Variants in KIAA1958 observed in about 807,000 individuals in gnomAD.
The protein encoded by KIAA1958 is KIAA1958.
KIAA1958 carries 14 observed loss-of-function variants against 47.2 expected under a neutral mutation model. The observed-to-expected ratio is 0.30, with a 90% confidence interval of 0.20 to 0.46. The LOEUF (loss-of-function observed/expected upper bound fraction) is 0.46, where lower values mean the gene tolerates loss of function less well. KIAA1958 is among the 20% of genes least tolerant of loss of function. KIAA1958 has a pLI of 1.00. For synonymous variants in KIAA1958, 354 were observed against 353.3 expected (o/e 1.00, Z -0.02); for missense variants, 803 against 909.2 (o/e 0.88, Z 1.50).
At chr9:112,500,196 G>T (rs896726895) in intron 1 of KIAA1958, among the ~76,000 whole-genome samples, 7 of 151,902 alleles carry the variant, frequency 4.6e-5, no homozygotes, top group Non-Finnish European at 8.8e-5. Flanking sequence ...TCACCTCCTG[G>T]TTCCAGCGAT....
chr9:112,555,244 C>T (rs1254026538), intron 1 of KIAA1958, among the ~76,000 whole-genome samples: 3 of 152,218 alleles, frequency 2.0e-5, no homozygotes, highest in Admixed American at 1.3e-4. Flanking sequence ...TGTCTTAGAG[C>T]TTACCTCCAG....
intron 1 of KIAA1958, among the ~76,000 whole-genome samples, chr9:112,558,835 C>A (rs1835284311): frequency 6.6e-6 from 1 of 152,112 alleles, no homozygotes; most frequent in Non-Finnish European, 1.5e-5. Context: ...TAAGAAAGAC[C>A]TGTCCTCCCT....
At chr9:112,592,640 G>A (rs1835943923) in intron 2 of KIAA1958, among the ~76,000 whole-genome samples, 2 of 152,230 alleles carry the variant, frequency 1.3e-5, no homozygotes, top group Non-Finnish European at 2.9e-5. Flanking sequence ...TACTTTAGTA[G>A]CAATGCAGGA....
At chr9:112,509,303 C>T (rs1428943190) in intron 1 of KIAA1958, among the ~76,000 whole-genome samples, 2 of 149,908 alleles carry the variant, frequency 1.3e-5, no homozygotes, top group South Asian at 2.1e-4. Context: ...CAGGTTCAAG[C>T]GATTCTCCTG....
intron 1 of KIAA1958, among the ~76,000 whole-genome samples, chr9:112,526,519 T>G (rs1002958474): frequency 6.6e-6 from 1 of 151,922 alleles, no homozygotes; most frequent in African/African-American, 2.4e-5. Context: ...ATGCTAGGAT[T>G]ACAGATGTGA....
intron 2 of KIAA1958, among the ~76,000 whole-genome samples, chr9:112,628,974 T>G (rs1401101220): frequency 6.6e-6 from 1 of 152,250 alleles, no homozygotes; most frequent in East Asian, 1.9e-4. Context: ...ATTGAAAGTG[T>G]TTTAGATTCA....
chr9:112,565,557 A>G (rs1214727387), intron 1 of KIAA1958, among the ~76,000 whole-genome samples: 3 of 152,254 alleles, frequency 2.0e-5, no homozygotes. Flanking sequence ...AGAGATTATC[A>G]TTGACTGCTG....
chr9:112,508,277 A>G (rs1240357444), intron 1 of KIAA1958, among the ~76,000 whole-genome samples: 1 of 152,208 alleles, frequency 6.6e-6, no homozygotes, highest in Non-Finnish European at 1.5e-5. Context: ...TTTCAGATAA[A>G]TACACTACTA....
intron 2 of KIAA1958, among the ~76,000 whole-genome samples, chr9:112,612,581 AAAAG>A (rs56064120): frequency 0.84 from 128,052 of 151,760 alleles, 54,205 homozygotes; most frequent in South Asian, 0.87. Flanking sequence ...TAAATCTTCT[AAAAG>A]AAATGCAAAA....
intron 3 of KIAA1958, among the ~76,000 whole-genome samples, chr9:112,646,690 C>G (rs543390999): frequency 1.3e-5 from 2 of 152,242 alleles, no homozygotes; most frequent in South Asian, 4.1e-4. Flanking sequence ...TGTGCTACAG[C>G]CATGACTGTA....
At chr9:112,582,733 A>C (rs1041922143) in intron 2 of KIAA1958, 4 of 152,176 alleles carry the variant, frequency 2.6e-5, no homozygotes, top group African/African-American at 7.2e-5. Flanking sequence ...AAAAAAAAAA[A>C]AAACAGACAA....
intron 2 of KIAA1958, among the ~76,000 whole-genome samples, chr9:112,598,075 C>T (rs1008634224): frequency 6.6e-6 from 1 of 151,880 alleles, no homozygotes; most frequent in African/African-American, 2.4e-5. Context: ...TAGGAAAAAG[C>T]GGAGAATTTG....
intron 1 of KIAA1958, among the ~76,000 whole-genome samples, chr9:112,522,681 T>TA (rs1834570007): frequency 6.6e-6 from 1 of 152,064 alleles, no homozygotes; most frequent in South Asian, 2.1e-4. Flanking sequence ...TACTTTCACT[T>TA]ACCATATCTA....
intron 2 of KIAA1958, among the ~76,000 whole-genome samples, chr9:112,616,924 C>G (rs1836416515): frequency 6.6e-6 from 1 of 152,192 alleles, no homozygotes. Flanking sequence ...ATCATGAACA[C>G]AGAGATGCTG....
At chr9:112,552,694 C>T (rs1285917851) in intron 1 of KIAA1958, among the ~76,000 whole-genome samples, 2 of 152,204 alleles carry the variant, frequency 1.3e-5, no homozygotes, top group African/African-American at 4.8e-5. Context: ...TTTCCCTCTC[C>T]AGTGCCTTAG....
At chr9:112,605,770 CTG>C (rs1371435026) in intron 2 of KIAA1958, among the ~76,000 whole-genome samples, 1 of 152,214 alleles carries the variant, frequency 6.6e-6, no homozygotes, top group African/African-American at 2.4e-5. Context: ...GTTCCCTCTA[CTG>C]CTCCTCCTTC....
intron 1 of KIAA1958, among the ~76,000 whole-genome samples, chr9:112,493,028 A>C (rs1253418246): frequency 2.7e-5 from 4 of 150,858 alleles, no homozygotes; most frequent in Non-Finnish European, 5.9e-5. Flanking sequence ...CTGGGATTAC[A>C]GGCCTGAGCC....
At chr9:112,584,333 G>A (rs1254072564) in intron 2 of KIAA1958, among the ~76,000 whole-genome samples, 1 of 152,128 alleles carries the variant, frequency 6.6e-6, no homozygotes, top group African/African-American at 2.4e-5. Context: ...CTGGTTCATG[G>A]TAAACATACT....
intron 1 of KIAA1958, among the ~76,000 whole-genome samples, chr9:112,571,511 T>C (rs1032358332): frequency 1.3e-5 from 2 of 152,202 alleles, no homozygotes; most frequent in African/African-American, 2.4e-5. Context: ...CCACCCTTGC[T>C]CCAGGGGAAG....
Sources: gnomAD v4.1 joint callset for allele counts (sites outside exome capture counted in the v4.1 genomes callset) on GRCh38, gnomAD v4.1.1 for gene constraint, MANE v1.5 for transcripts, NCBI Gene and HGNC (gene_info 2026-07-23, HGNC 2026-07-21) for gene names.